The following SHANK2 variants were observed in gnomAD, a reference collection of about 807,000 sequenced individuals.
SHANK2 encodes SH3 and multiple ankyrin repeat domains 2.
SHANK2 carries 43 observed loss-of-function variants against 133.7 expected under a neutral mutation model. The ratio of observed to expected loss-of-function variants is 0.32; its 90% confidence interval spans 0.25 to 0.41. The LOEUF (loss-of-function observed/expected upper bound fraction) is 0.41, where lower values mean the gene tolerates loss of function less well. Ranked by LOEUF, SHANK2 falls within the 10% of genes least tolerant of loss-of-function variation. SHANK2 has a pLI of 1.00. For missense variants in SHANK2, 1,994 were observed against 2,235.8 expected (o/e 0.89, Z 2.18); for synonymous variants, 1,017 against 952.8 (o/e 1.07, Z -1.24).
chr11:70,680,893 G>A (rs1945015625), intron 15 of SHANK2, among the ~76,000 whole-genome samples: 1 of 152,128 alleles, frequency 6.6e-6, no homozygotes, highest in South Asian at 2.1e-4. Flanking sequence ...CTCAGATTGG[G>A]CACCAGCAAG....
chr11:71,205,011 G>A (rs958313185), intron 2 of SHANK2, among the ~76,000 whole-genome samples: 2 of 152,036 alleles, frequency 1.3e-5, no homozygotes, highest in Non-Finnish European at 2.9e-5. Flanking sequence ...TCCCTCACCT[G>A]CCCTCTCTCC....
At chr11:71,234,531 C>T (rs1954799859) in intron 1 of SHANK2, among the ~76,000 whole-genome samples, 1 of 152,144 alleles carries the variant, frequency 6.6e-6, no homozygotes, top group Non-Finnish European at 1.5e-5. Flanking sequence ...GCCCCCCGCC[C>T]CAGACTGGTC....
intron 2 of SHANK2, among the ~76,000 whole-genome samples, chr11:71,160,084 C>G (rs1218143200): frequency 2.6e-5 from 4 of 151,812 alleles, no homozygotes; most frequent in African/African-American, 9.7e-5. Context: ...ATTCCAGATG[C>G]AAATGGGTAC....
At chr11:71,162,630 G>A (rs1367933685) in intron 2 of SHANK2, among the ~76,000 whole-genome samples, 2 of 152,162 alleles carry the variant, frequency 1.3e-5, no homozygotes, top group Admixed American at 6.5e-5. Context: ...CAAAAGAATA[G>A]ATACATTTAT....
At chr11:70,672,949 G>C (rs144062946) in intron 15 of SHANK2, among the ~76,000 whole-genome samples, 2 of 152,354 alleles carry the variant, frequency 1.3e-5, no homozygotes, top group Non-Finnish European at 2.9e-5. Context: ...CCCTGAGCCT[G>C]GGTTTTCCTG....
chr11:70,928,403 C>G (rs1425054297), intron 10 of SHANK2, among the ~76,000 whole-genome samples: 1 of 152,180 alleles, frequency 6.6e-6, no homozygotes, highest in Non-Finnish European at 1.5e-5. Context: ...TGGCATGGAT[C>G]AAGGGCTGCC....
chr11:70,505,053 C>T (rs1485131042), intron 17 of SHANK2, among the ~76,000 whole-genome samples: 2 of 151,968 alleles, frequency 1.3e-5, no homozygotes, highest in Non-Finnish European at 2.9e-5. Flanking sequence ...GAGTTTTGGC[C>T]GACACACAAA....
intron 17 of SHANK2, among the ~76,000 whole-genome samples, chr11:70,559,000 A>G (rs1487272876): frequency 2.6e-5 from 4 of 152,078 alleles, no homozygotes; most frequent in Non-Finnish European, 5.9e-5. Flanking sequence ...TCTTAATAAC[A>G]ATTTTCTCAT....
At chr11:71,199,567 G>A (rs1555116735) in intron 2 of SHANK2, among the ~76,000 whole-genome samples, 1 of 152,202 alleles carries the variant, frequency 6.6e-6, no homozygotes, top group African/African-American at 2.4e-5. Context: ...GCTAAAACGT[G>A]CACACTCCCC....
chr11:70,478,205 G>T, intron 25 of SHANK2, among the ~76,000 whole-genome samples: 1 of 151,372 alleles, frequency 6.6e-6, no homozygotes. Context: ...ACGGGGTCAT[G>T]CAGCAATCAT....
At chr11:70,644,993 G>A (rs1023238702) in intron 17 of SHANK2, among the ~76,000 whole-genome samples, 2 of 152,162 alleles carry the variant, frequency 1.3e-5, no homozygotes, top group African/African-American at 2.4e-5. Context: ...AGGCTGAAGC[G>A]GGCAGATCAC....
chr11:70,930,017 T>G (rs1350722635), intron 10 of SHANK2, among the ~76,000 whole-genome samples: 1 of 152,190 alleles, frequency 6.6e-6, no homozygotes, highest in Non-Finnish European at 1.5e-5. Flanking sequence ...CTGTCACAGC[T>G]CCTCAACTCT....
chr11:70,750,037 ACT>A (rs1436723867), intron 14 of SHANK2, among the ~76,000 whole-genome samples: 2 of 152,148 alleles, frequency 1.3e-5, no homozygotes, highest in South Asian at 2.1e-4. Context: ...CACACACCAC[ACT>A]CTGTTTCCCT....
chr11:71,198,977 G>A (rs1318512309), intron 2 of SHANK2, among the ~76,000 whole-genome samples: 1 of 152,146 alleles, frequency 6.6e-6, no homozygotes, highest in African/African-American at 2.4e-5. Flanking sequence ...ATCCCGTTCT[G>A]CTCAGTCACC....
intron 11 of SHANK2, chr11:70,872,922 T>C (rs1949493452): frequency 2.2e-6 from 1 of 453,186 alleles, no homozygotes; most frequent in Admixed American, 2.4e-5. Context: ...GAGGAGCACA[T>C]ATCCACTGTC....
chr11:70,937,037 C>T (rs1300687136), intron 10 of SHANK2, among the ~76,000 whole-genome samples: 3 of 152,252 alleles, frequency 2.0e-5, no homozygotes, highest in South Asian at 4.1e-4. Flanking sequence ...GTTGGAAGAC[C>T]GAGATTTGTA....
chr11:70,607,114 G>C (rs79218369), intron 17 of SHANK2, among the ~76,000 whole-genome samples: 1 of 152,084 alleles, frequency 6.6e-6, no homozygotes, highest in South Asian at 2.1e-4. Context: ...CCCCTCAGAC[G>C]GGGGCGGCCT....
chr11:71,106,022 C>A (rs1555097839), intron 6 of SHANK2, among the ~76,000 whole-genome samples: 1 of 152,218 alleles, frequency 6.6e-6, no homozygotes, highest in Admixed American at 6.5e-5. Flanking sequence ...AACTGGTTCA[C>A]TGATTGTAAC....
chr11:70,785,418 A>T (rs1476312816), intron 14 of SHANK2, among the ~76,000 whole-genome samples: 1 of 152,134 alleles, frequency 6.6e-6, no homozygotes, highest in African/African-American at 2.4e-5. Flanking sequence ...GTGGTGGCCC[A>T]TCCCCTTACC....
Sources: allele counts gnomAD v4.1 joint callset (sites outside exome capture counted in the v4.1 genomes callset), GRCh38; gene constraint gnomAD v4.1.1; transcripts MANE v1.5; gene names NCBI Gene and HGNC (gene_info 2026-07-23, HGNC 2026-07-21).